The following OPRM1 variants were observed in gnomAD, a reference collection of about 807,000 sequenced individuals.
OPRM1 encodes the protein mu-type opioid receptor.
Under a neutral mutation model 31.8 loss-of-function variants are expected in OPRM1, and 27 were observed. The observed-to-expected ratio is 0.85, with a 90% confidence interval of 0.63 to 1.17. The LOEUF is 1.17. OPRM1 is among the 50% of genes most tolerant of loss of function. The pLI, the probability that OPRM1 is intolerant of heterozygous loss-of-function variation, is 0.00. For synonymous variants in OPRM1, 196 were observed against 189.9 expected (o/e 1.03, Z -0.26); for missense variants, 536 against 511.1 (o/e 1.05, Z -0.47).
intron 3 of OPRM1, chr6:154,110,357 A>T: frequency 7.0e-7 from 1 of 1,428,344 alleles, no homozygotes; most frequent in Non-Finnish European, 9.7e-7. Flanking sequence ...CTTTGCAGAA[A>T]ATAGATTTAT....
intron 3 of OPRM1, among the ~76,000 whole-genome samples, chr6:154,177,871 A>G (rs1021796655): frequency 5.3e-5 from 8 of 152,218 alleles, no homozygotes; most frequent in African/African-American, 1.7e-4. Context: ...TCACAATAGC[A>G]AAGACTTGTA....
At chr6:154,160,543 A>G (rs1187164340) in intron 3 of OPRM1, among the ~76,000 whole-genome samples, 1 of 152,184 alleles carries the variant, frequency 6.6e-6, no homozygotes, top group Non-Finnish European at 1.5e-5. Context: ...AAATACACAG[A>G]TTATCTTTTC....
At chr6:154,061,294 A>T (rs111868072) in intron 1 of OPRM1, among the ~76,000 whole-genome samples, 44 of 152,270 alleles carry the variant, frequency 2.9e-4, no homozygotes, top group African/African-American at 1.0e-3. Context: ...CACCTACATG[A>T]GCATTAAGTA....
rs1233817882 is a variant in OPRM1 at position 154,130,193 on chromosome 6, G to C, written c.*11472G>C. 7.7e-6 allele frequency among the ~76,000 whole-genome samples: 1 copy of C among 130,316 alleles called. No individual in the cohort carries two copies. Among genetic ancestry groups the C allele is most frequent in the Admixed American group, 8.3e-5 (1 of 12,058 alleles). The allele number at this position is 130,316 out of a possible 152,430, so 85.5% of individuals were successfully genotyped here. A position where few individuals can be genotyped will look rare whatever the true frequency, so the allele number is the denominator to read the frequency against. ...TTCTTTTTTTTTTTTTTTTTTGATG[G>C]AGTCTCACTCTGTCGCCCAGGCTGG... On this transcript the variant is annotated 3_prime_UTR_variant, in exon 4 of 4. Coordinates refer to ENST00000330432, the MANE Select transcript of OPRM1 (RefSeq NM_000914.5).
intron 3 of OPRM1, among the ~76,000 whole-genome samples, chr6:154,102,943 A>G (rs1583558366): frequency 6.7e-6 from 1 of 148,942 alleles, no homozygotes; most frequent in Non-Finnish European, 1.5e-5. Flanking sequence ...AAAACACTCC[A>G]TACTCATGGA....
At chr6:154,086,984 T>A (rs1790740302) in intron 1 of OPRM1, 1 of 984,046 alleles carries the variant, frequency 1.0e-6, no homozygotes, top group Non-Finnish European at 1.2e-6. Flanking sequence ...GTTTTTGTAC[T>A]TTGGAGTATT....
intron 1 of OPRM1, among the ~76,000 whole-genome samples, chr6:154,055,142 CT>C (rs1446908943): frequency 6.6e-6 from 1 of 152,206 alleles, no homozygotes; most frequent in Non-Finnish European, 1.5e-5. Context: ...AATCCCAGCA[CT>C]TTGGGAGGCT....
At chr6:154,116,101 C>T (rs902132147) in intron 3 of OPRM1, among the ~76,000 whole-genome samples, 4 of 152,074 alleles carry the variant, frequency 2.6e-5, no homozygotes, top group African/African-American at 9.7e-5. Flanking sequence ...GATCTCCCGG[C>T]AAGAAAAGTA....
At chr6:154,190,331 C>T (rs1203790983) in intron 3 of OPRM1, among the ~76,000 whole-genome samples, 2 of 151,746 alleles carry the variant, frequency 1.3e-5, no homozygotes, top group Non-Finnish European at 1.5e-5. Context: ...AAAGTATATA[C>T]AAAAATTAAT....
chr6:154,215,859 C>T (rs1361087825), intron 3 of OPRM1, among the ~76,000 whole-genome samples: 1 of 151,966 alleles, frequency 6.6e-6, no homozygotes, highest in Non-Finnish European at 1.5e-5. Context: ...AATAGCTAGA[C>T]AATATGCGAA....
chr6:154,223,249 A>C, intron 3 of OPRM1: 1 of 1,606,726 alleles, frequency 6.2e-7, no homozygotes, highest in African/African-American at 1.3e-5. Context: ...TCTGCCTGAA[A>C]CAAATATATA....
intron 3 of OPRM1, among the ~76,000 whole-genome samples, chr6:154,179,145 G>A (rs1800615745): frequency 6.6e-6 from 1 of 152,124 alleles, no homozygotes; most frequent in East Asian, 1.9e-4. Flanking sequence ...CAGGTGATAA[G>A]TAGGATCACA....
chr6:154,128,747 T>G lies in OPRM1; in HGVS notation c.*10026T>G, dbSNP rs1797727620. Among the ~76,000 whole-genome samples, 1 of 152,180 alleles carries G rather than the reference T, an allele frequency of 6.6e-6. No individual in the cohort carries two copies. The highest frequency in any genetic ancestry group is 1.5e-5 in the Non-Finnish European group (1 of 68,026). ...ACATCATTGAGGAAAAAGGCTACCT[T>G]GTACCTCATGGAGAGCTGAAGGTCT... On this transcript the variant is annotated 3_prime_UTR_variant, in exon 4 of 4. Coordinates refer to ENST00000330432, the MANE Select transcript of OPRM1 (RefSeq NM_000914.5).
At chr6:154,231,553 C>T (rs1187407612) in intron 3 of OPRM1, among the ~76,000 whole-genome samples, 2 of 152,166 alleles carry the variant, frequency 1.3e-5, no homozygotes, top group Non-Finnish European at 1.5e-5. Context: ...CTATGAAAAA[C>T]GCCATACAAC....
At chr6:154,088,389 C>T (rs1208894423) in intron 1 of OPRM1, among the ~76,000 whole-genome samples, 1 of 152,158 alleles carries the variant, frequency 6.6e-6, no homozygotes, top group Non-Finnish European at 1.5e-5. Flanking sequence ...CTTTTGGGAG[C>T]AATTGATGTC....
chr6:154,172,578 G>T (rs886619181), intron 3 of OPRM1, among the ~76,000 whole-genome samples: 1 of 152,198 alleles, frequency 6.6e-6, no homozygotes, highest in African/African-American at 2.4e-5. Flanking sequence ...GCTGGAGCTT[G>T]GCAAGGGGAG....
chr6:154,069,112 T>C (rs982333492), intron 1 of OPRM1, among the ~76,000 whole-genome samples: 4 of 152,218 alleles, frequency 2.6e-5, no homozygotes, highest in African/African-American at 9.6e-5. Context: ...CAGCCCCTTA[T>C]CAGCTGTATA....
chr6:154,142,253 A>G (rs963568715), intron 3 of OPRM1, among the ~76,000 whole-genome samples: 4 of 52,332 alleles, frequency 7.6e-5, no homozygotes, highest in Non-Finnish European at 1.8e-4. Flanking sequence ...CTCTAAAATA[A>G]CAATAGGTCG....
intron 3 of OPRM1, among the ~76,000 whole-genome samples, chr6:154,113,365 G>A (rs78402340): frequency 3.9e-5 from 6 of 152,128 alleles, no homozygotes; most frequent in East Asian, 1.9e-4. Context: ...AAAGAGTGGC[G>A]CCATTGCCAA....
Sources: gnomAD v4.1 joint callset for allele counts (sites outside exome capture counted in the v4.1 genomes callset) on GRCh38, gnomAD v4.1.1 for gene constraint, MANE v1.5 for transcripts, NCBI Gene and HGNC (gene_info 2026-07-23, HGNC 2026-07-21) for gene names.